DAPK1: variants seen among roughly 807,000 people sequenced by gnomAD.
The protein encoded by DAPK1 is death associated protein kinase 1, also known as death-associated protein kinase 1.
In DAPK1, 56 loss-of-function variants were observed where a neutral mutation model predicts 144.9. The ratio of observed to expected loss-of-function variants is 0.39; its 90% CI spans 0.31 to 0.48. DAPK1 has a LOEUF of 0.48. Ranked by LOEUF, DAPK1 falls within the 20% of genes least tolerant of loss-of-function variation. The pLI, the probability that DAPK1 is intolerant of heterozygous loss-of-function variation, is 0.95. For synonymous variants in DAPK1, 690 were observed against 749.0 expected (o/e 0.92, Z 1.29); for missense variants, 1,454 against 1,875.4 (o/e 0.78, Z 4.15).
rs76935303 is a variant in DAPK1 at position 87,542,971 on chromosome 9, C to T, written c.62+43832C>T. Among the ~76,000 whole-genome samples the T allele has an allele frequency of 2.9e-4, 44 of 152,242 alleles. No individual in the cohort carries two copies. The East Asian group carries it at 8.1e-3, about 28-fold the overall frequency. ...AGCATGTCTTTTTACCATTAATTAG[C>T]GTACTATAGACTGCATGGGTGACAT... On this transcript the variant is annotated intron_variant, in intron 2 of 25. Transcript: ENST00000408954.
chr9:87,583,648 G>A lies in DAPK1; in HGVS notation c.63-21306G>A, dbSNP rs533474114. 1.7e-3 allele frequency among the ~76,000 whole-genome samples: 254 copies of A among 152,184 alleles called. 3 individuals are homozygous for A. The South Asian group carries it at 0.021, about 13-fold the overall frequency. ...CCACTGTCATAACCTGCACCCCACCGTGGAGTTCCTTGACCTCCTCATTTC... is the reference window on the plus strand; with the variant it reads ...CCACTGTCATAACCTGCACCCCACCATGGAGTTCCTTGACCTCCTCATTTC... On this transcript the variant is annotated intron_variant, in intron 2 of 25. Coordinates refer to ENST00000408954, the MANE Select transcript of DAPK1 (RefSeq NM_004938.4).
chr9:87,668,827 G>A (rs574465059), intron 19 of DAPK1, 153 bp downstream of exon 19: 7 of 645,012 alleles, frequency 1.1e-5, no homozygotes, highest in South Asian at 5.4e-5. Context: ...CATGTCAGTC[G>A]GTATAAATGC....
intron 2 of DAPK1, among the ~76,000 whole-genome samples, chr9:87,571,436 A>AAC (rs374135959): frequency 0.035 from 462 of 13,020 alleles, 25 homozygotes; most frequent in Admixed American, 0.042. Context: ...CCCACCCCCC[A>AAC]ACACACACAC....
Position 87,678,368 on chromosome 9 carries a change from A to C in DAPK1, c.2002-3036A>C, listed in dbSNP as rs548075110. Among the ~76,000 whole-genome samples the C allele has an allele frequency of 3.8e-3, 583 of 152,346 alleles. 1 individual carries two copies. The highest frequency in any genetic ancestry group is 5.8e-3 in the Non-Finnish European group (393 of 68,030). On this transcript the variant is annotated intron_variant, in intron 19 of 25. Coordinates refer to ENST00000408954, the MANE Select transcript of DAPK1 (RefSeq NM_004938.4). ...AGCATGCATGTGCTAGGACACAGGC[A>C]GGAGGAGGCTGGGAAACCCAGCAGG...
At chr9:87,559,314 G>C (rs952773592) in intron 2 of DAPK1, among the ~76,000 whole-genome samples, 1 of 151,900 alleles carries the variant, frequency 6.6e-6, no homozygotes, top group African/African-American at 2.4e-5. Flanking sequence ...GCTAGGCTAG[G>C]GTAGGGTAGG....
At chr9:87,641,165 A>G (rs1830080464) in intron 9 of DAPK1, among the ~76,000 whole-genome samples, 1 of 152,210 alleles carries the variant, frequency 6.6e-6, no homozygotes, top group Admixed American at 6.5e-5. Context: ...CAGCATGTAA[A>G]TATCAATCAA....
chr9:87,592,311 G>A (rs561950469), intron 2 of DAPK1, among the ~76,000 whole-genome samples: 2 of 152,266 alleles, frequency 1.3e-5, no homozygotes, highest in South Asian at 2.1e-4. Flanking sequence ...CCTCCTTCTC[G>A]CCCACTAGTG....
At chr9:87,591,999 G>A (rs889057927) in intron 2 of DAPK1, among the ~76,000 whole-genome samples, 6 of 152,132 alleles carry the variant, frequency 3.9e-5, no homozygotes, top group African/African-American at 1.4e-4. Context: ...CTGGTAGACC[G>A]TCCTCCGCTC....
chr9:87,512,213 A>G (rs1348711840), intron 2 of DAPK1, among the ~76,000 whole-genome samples: 3 of 152,170 alleles, frequency 2.0e-5, no homozygotes, highest in Non-Finnish European at 1.5e-5. Flanking sequence ...ATGTGCCAAC[A>G]CACCTGGCTT....
intron 2 of DAPK1, 72 bp from the exon 3 acceptor site, chr9:87,604,882 A>T: frequency 7.1e-7 from 1 of 1,414,856 alleles, no homozygotes; most frequent in Non-Finnish European, 9.8e-7. Flanking sequence ...CCCCCTCTGC[A>T]CCATGCCACA....
chr9:87,541,712 C>T (rs553964100), intron 2 of DAPK1, among the ~76,000 whole-genome samples: 3 of 152,222 alleles, frequency 2.0e-5, no homozygotes, highest in African/African-American at 7.2e-5. Context: ...CTGAAGACAA[C>T]AATTAAGAAG....
Position 87,548,756 on chromosome 9 carries a change from C to T in DAPK1, c.62+49617C>T, listed in dbSNP as rs7858268. 6.2e-3 allele frequency among the ~76,000 whole-genome samples: 938 copies of T among 152,118 alleles called. 13 individuals are homozygous for T. The highest frequency in any genetic ancestry group is 0.021 in the African/African-American group (882 of 41,492). On this transcript the variant is annotated intron_variant, in intron 2 of 25. Coordinates refer to ENST00000408954, the MANE Select transcript of DAPK1 (RefSeq NM_004938.4). ...CTGGTGAGCGTGCACTGAAGATTTG[C>T]GCTGCACTGTACCTGAGGTTCTCAG...
intron 2 of DAPK1, among the ~76,000 whole-genome samples, chr9:87,539,957 T>C (rs1825984678): frequency 6.6e-6 from 1 of 151,996 alleles, no homozygotes; most frequent in Admixed American, 6.6e-5. Context: ...CCGAGAGTAG[T>C]GATGCCGGCA....
chr9:87,553,144 G>A (rs1826559812), intron 2 of DAPK1, among the ~76,000 whole-genome samples: 1 of 152,042 alleles, frequency 6.6e-6, no homozygotes, highest in South Asian at 2.1e-4. Flanking sequence ...TCCTGATATT[G>A]TTGATATTTA....
intron 2 of DAPK1, among the ~76,000 whole-genome samples, chr9:87,508,707 C>T (rs1241408260): frequency 2.6e-5 from 4 of 152,120 alleles, no homozygotes; most frequent in Non-Finnish European, 5.9e-5. Flanking sequence ...ATAGAATTTT[C>T]CAGGTGAAAA....
chr9:87,634,231 A>T (rs1829807409), intron 3 of DAPK1, among the ~76,000 whole-genome samples: 1 of 152,240 alleles, frequency 6.6e-6, no homozygotes, highest in South Asian at 2.1e-4. Flanking sequence ...AATATTTAGG[A>T]TCTGCCCTTG....
At position 87,708,275 on chromosome 9, in the gene DAPK1, C is replaced by T. The variant is rs540384367; in HGVS notation, c.*911C>T. 1 of 156,610 alleles carries T rather than the reference C, an allele frequency of 6.4e-6. No individual in the cohort carries two copies. 9.7% of individuals were successfully genotyped at this position (156,610 alleles called of 1,614,324 possible). On this transcript the variant is annotated 3_prime_UTR_variant, in exon 26 of 26. Coordinates refer to ENST00000408954, the MANE Select transcript of DAPK1 (RefSeq NM_004938.4). ...GAGACCTATGTAAGAATTCAGAAGA[C>T]CCCTGACTCATCATTTGTGGCAGTC...
chr9:87,639,312 A>G (rs946449922), intron 4 of DAPK1, 42 bp from the exon 5 acceptor site: 2 of 1,542,150 alleles, frequency 1.3e-6, no homozygotes, highest in African/African-American at 2.8e-5. Context: ...TCCTCAGCAT[A>G]ACATATCATA....
At chr9:87,563,510 C>T (rs1827006784) in intron 2 of DAPK1, among the ~76,000 whole-genome samples, 1 of 152,204 alleles carries the variant, frequency 6.6e-6, no homozygotes, top group Admixed American at 6.5e-5. Context: ...TGGGGCTGGC[C>T]TTGTGGCTTG....
Sources: allele counts gnomAD v4.1 joint callset (sites outside exome capture counted in the v4.1 genomes callset), GRCh38; gene constraint gnomAD v4.1.1; transcripts MANE v1.5; gene names NCBI Gene and HGNC (gene_info 2026-07-23, HGNC 2026-07-21).